The following ZDHHC11B variants were observed in gnomAD, a reference collection of about 807,000 sequenced individuals.
ZDHHC11B encodes the protein probable palmitoyltransferase ZDHHC11B.
Under a neutral mutation model 42.3 loss-of-function variants are expected in ZDHHC11B, and 17 were observed. That is an observed-to-expected ratio of 0.40 (90% CI 0.27 to 0.60). The LOEUF (loss-of-function observed/expected upper bound fraction) is 0.60, where lower values mean the gene tolerates loss of function less well. Among genes scored for constraint, ZDHHC11B ranks in the 20% least tolerant of loss-of-function variants. ZDHHC11B has a pLI of 0.41. For synonymous variants in ZDHHC11B, 123 were observed against 193.5 expected, an observed-to-expected ratio of 0.64 and a Z score of 3.02; for missense variants, 262 against 463.2, an observed-to-expected ratio of 0.57 and a Z score of 3.99.
intron 1 of ZDHHC11B, among the ~76,000 whole-genome samples, chr5:777,912 G>A (rs1458286183): frequency 2.6e-5 from 4 of 151,148 alleles, no homozygotes; most frequent in African/African-American, 7.3e-5. Context: ...GCCCGGGGCG[G>A]GGGAGGGGGG....
Position 749,492 on chromosome 5 carries a change from G to A in ZDHHC11B, c.629-933C>T, listed in dbSNP as rs1463301692. On this transcript the variant is annotated intron_variant, in intron 7 of 13. Coordinates refer to ENST00000508859, the MANE Select transcript of ZDHHC11B (RefSeq NM_001351303.2). Reference sequence around the variant, plus strand: ...TCCTAGATGGCCCGACGGGACAGTAGCTCAAAGTGCCTGGGCCGGGCTGGA... The same window carrying A: ...TCCTAGATGGCCCGACGGGACAGTAACTCAAAGTGCCTGGGCCGGGCTGGA... Among the ~76,000 whole-genome samples the A allele has an allele frequency of 1.1e-4, 14 of 130,114 alleles. 1 individual carries two copies. The highest frequency in any genetic ancestry group is 3.5e-4 in the African/African-American group (14 of 39,806). The allele number at this position is 130,114 out of a possible 152,430, so 85.4% of individuals were successfully genotyped here.
At chr5:722,189 T>C (rs622088) in intron 12 of ZDHHC11B, among the ~76,000 whole-genome samples, 72,797 of 148,880 alleles carry the variant, frequency 0.49, 13,538 homozygotes, top group African/African-American at 0.53. Flanking sequence ...GCATTACTTA[T>C]ACAATATGTA....
rs1308829857 is a variant in ZDHHC11B, at chr5:758,607, C to T, written c.223-2463G>A. ...ATTCCCGAGCCAGTCCCCAAACCTG[C>T]AGGCGCCATGGCCAGGCAGTCACCC... On this transcript the variant is annotated intron_variant, in intron 4 of 13. Coordinates refer to ENST00000508859, the MANE Select transcript of ZDHHC11B (RefSeq NM_001351303.2). 9.2e-5 allele frequency among the ~76,000 whole-genome samples: 14 copies of T among 151,866 alleles called. 1 individual carries two copies. The East Asian group carries it at 2.5e-3, about 27-fold the overall frequency.
chr5:776,666 G>A (rs530327574), intron 1 of ZDHHC11B, among the ~76,000 whole-genome samples: 34 of 152,000 alleles, frequency 2.2e-4, no homozygotes, highest in East Asian at 7.7e-4. Flanking sequence ...CCCTCACAGC[G>A]GAAGGAGTGG....
intron 1 of ZDHHC11B, among the ~76,000 whole-genome samples, chr5:773,987 C>T (rs1216735649): frequency 1.6e-4 from 25 of 152,020 alleles, no homozygotes; most frequent in Admixed American, 5.9e-4. Context: ...CAGAGTGGGG[C>T]AGGCAAAGGC....
In ZDHHC11B at chr5:721,630, G is replaced by C. The variant is rs1418679332; in HGVS notation, c.1059-4765C>G. ...GTGTCCATATATGGAACATGTTGCT[G>C]ACCCCACACAGCAAGCAGCTAGCCT... On this transcript the variant is annotated intron_variant, in intron 12 of 13. Transcript: ENST00000508859. Among the ~76,000 whole-genome samples, 4 of 151,592 alleles carry C rather than the reference G, an allele frequency of 2.6e-5. 1 individual carries two copies. The highest frequency in any genetic ancestry group is 5.9e-5 in the Non-Finnish European group (4 of 67,974).
intron 10 of ZDHHC11B, 77 bp from the exon 11 acceptor site, chr5:733,916 G>A (rs1379969560): frequency 1.1e-4 from 137 of 1,302,510 alleles, no homozygotes; most frequent in Middle Eastern, 5.5e-4. Flanking sequence ...AGGCTGCACC[G>A]CGTCGTGTCA....
intron 10 of ZDHHC11B, among the ~76,000 whole-genome samples, chr5:736,714 T>C (rs1429534106): frequency 7.4e-6 from 1 of 134,462 alleles, no homozygotes; most frequent in African/African-American, 2.7e-5. Context: ...TGCTTCTGAA[T>C]GATCTTTGGG....
chr5:732,154 G>C (rs1218118355), intron 11 of ZDHHC11B: 4 of 157,654 alleles, frequency 2.5e-5, no homozygotes, highest in African/African-American at 9.7e-5. Context: ...CCACGGACTT[G>C]GGTGTCAGTG....
chr5:766,213 G>A (rs1305832423), intron 4 of ZDHHC11B, among the ~76,000 whole-genome samples: 1 of 151,786 alleles, frequency 6.6e-6, no homozygotes, highest in Non-Finnish European at 1.5e-5. Context: ...CCTGATGGGA[G>A]GTGAGAGCAG....
chr5:730,815 A>G (rs1451814812), intron 11 of ZDHHC11B, among the ~76,000 whole-genome samples: 1 of 151,746 alleles, frequency 6.6e-6, no homozygotes, highest in African/African-American at 2.4e-5. Flanking sequence ...TCCTTTTATG[A>G]AGGGGAGATT....
intron 12 of ZDHHC11B, among the ~76,000 whole-genome samples, chr5:718,362 T>C (rs1429698644): frequency 1.3e-5 from 2 of 151,778 alleles, no homozygotes; most frequent in East Asian, 3.9e-4. Flanking sequence ...CAGACATGTA[T>C]GGGAGAGTGC....
chr5:779,123 C>G (rs868366755), intron 1 of ZDHHC11B, among the ~76,000 whole-genome samples: 1 of 149,972 alleles, frequency 6.7e-6, no homozygotes, highest in African/African-American at 2.5e-5. Context: ...GCAACACACA[C>G]AGACTAACAC....
At chr5:760,072 T>G (rs1579397471) in intron 4 of ZDHHC11B, among the ~76,000 whole-genome samples, 1 of 151,162 alleles carries the variant, frequency 6.6e-6, no homozygotes, top group African/African-American at 2.4e-5. Context: ...GAGTGGGGGG[T>G]ACAGGGGAGC....
intron 1 of ZDHHC11B, among the ~76,000 whole-genome samples, chr5:780,749 G>A (rs1216917444): frequency 3.3e-5 from 5 of 151,658 alleles, no homozygotes; most frequent in South Asian, 4.2e-4. Flanking sequence ...GGTGGGAGGT[G>A]AGGCTGAGAT....
chr5:732,547 G>C (rs186669932), intron 11 of ZDHHC11B: 1 of 399,184 alleles, frequency 2.5e-6, no homozygotes, highest in African/African-American at 2.1e-5. Context: ...GGAAGTGCAG[G>C]CAAGGGGCAA....
chr5:773,560 C>T (rs1736227340), intron 1 of ZDHHC11B, among the ~76,000 whole-genome samples: 1 of 151,854 alleles, frequency 6.6e-6, no homozygotes, highest in Admixed American at 6.6e-5. Flanking sequence ...ACCATCTCAG[C>T]TGTGCCCTGT....
At position 730,658 on chromosome 5, in the gene ZDHHC11B, T is replaced by G. The variant is rs562336205; in HGVS notation, c.1024-190A>C. On this transcript the variant is annotated intron_variant, in intron 11 of 13. Transcript: ENST00000508859. ...TCCTCCCAATCCTTGTATTATGGGC[T>G]GAACTATATCCTCCTCCAAATTCAT... is the stretch of plus-strand genomic sequence containing the variant. Among the ~76,000 whole-genome samples the G allele has an allele frequency of 2.0e-5, 3 of 151,854 alleles. No individual in the cohort carries two copies. The East Asian group carries it at 5.8e-4, about 29-fold the overall frequency.
chr5:745,048 C>CA (rs1282780697), intron 9 of ZDHHC11B, 135 bp downstream of exon 9: 3 of 943,796 alleles, frequency 3.2e-6, no homozygotes, highest in African/African-American at 3.0e-5. Context: ...GCCTCACACA[C>CA]AGACACACAC....
Sources: allele counts gnomAD v4.1 joint callset (sites outside exome capture counted in the v4.1 genomes callset), GRCh38; gene constraint gnomAD v4.1.1; transcripts MANE v1.5; gene names NCBI Gene and HGNC (gene_info 2026-07-23, HGNC 2026-07-21).